Variants in SENP5 observed in about 807,000 individuals in gnomAD.
The protein encoded by SENP5 is SUMO specific peptidase 5, also known as sentrin-specific protease 5.
SENP5 carries 21 observed loss-of-function variants against 74.2 expected under a neutral mutation model. The ratio of observed to expected loss-of-function variants is 0.28; its 90% CI spans 0.20 to 0.41. SENP5 has a LOEUF of 0.41. SENP5 is among the 10% of genes least tolerant of loss of function. The pLI is 1.00. For missense variants in SENP5, 717 were observed against 889.1 expected, an observed-to-expected ratio of 0.81 and a Z score of 2.46; for synonymous variants, 311 against 312.7, an observed-to-expected ratio of 0.99 and a Z score of 0.06.
At chr3:196,883,503 G>A (rs1263628716) in intron 1 of SENP5, among the ~76,000 whole-genome samples, 1 of 152,110 alleles carries the variant, frequency 6.6e-6, no homozygotes, top group African/African-American at 2.4e-5. Context: ...ACTATCCTGG[G>A]TCATCCTCCT....
At chr3:196,868,882 G>GTTTTTTTTTTTGTTTGTT (rs1553816691) in intron 1 of SENP5, among the ~76,000 whole-genome samples, 1 of 148,924 alleles carries the variant, frequency 6.7e-6, no homozygotes, top group African/African-American at 2.5e-5. Context: ...TCCTACTTAT[G>GTTTTTTTTTTTGTTTGTT]TTTTTTTTTT....
At chr3:196,916,078 A>C (rs1173184168) in intron 6 of SENP5, among the ~76,000 whole-genome samples, 1 of 152,146 alleles carries the variant, frequency 6.6e-6, no homozygotes, top group South Asian at 2.1e-4. Flanking sequence ...TAATCTCAGC[A>C]CTTTGGGAGG....
Position 196,889,355 on chromosome 3 carries a change from C to T in SENP5, c.1513+2661C>T, listed in dbSNP as rs754996955. Among the ~76,000 whole-genome samples the T allele has an allele frequency of 1.6e-4, 25 of 152,184 alleles. No individual in the cohort carries two copies. The East Asian group carries it at 2.5e-3, about 15-fold the overall frequency. On this transcript the variant is annotated intron_variant, in intron 2 of 9. Coordinates refer to ENST00000323460, the MANE Select transcript of SENP5 (RefSeq NM_152699.5). The stretch of plus-strand genomic sequence containing the variant: ...TTTATAGATGTAACACTTTCAAGTA[C>T]GGTTGATAAATTGAATATGCACGTA...
intron 1 of SENP5, among the ~76,000 whole-genome samples, chr3:196,871,503 C>G (rs1213017227): frequency 6.6e-6 from 1 of 152,134 alleles, no homozygotes; most frequent in Non-Finnish European, 1.5e-5. Context: ...TTGAGGCAGT[C>G]TTCTGACTCT....
Position 196,913,590 on chromosome 3 carries a change from C to A in SENP5, c.1885-9824C>A, listed in dbSNP as rs186122893. Among the ~76,000 whole-genome samples the A allele has an allele frequency of 2.3e-3, 340 of 145,398 alleles. 14 individuals carry two copies. Among genetic ancestry groups the A allele is most frequent in the Admixed American group, 0.021 (298 of 14,442 alleles). Reference sequence around the variant, plus strand: ...TCTCAAAAAAAAAAAACAAAAAAAACTAGTAAGACCCTGAACTCAGTAGAA... The same window carrying A: ...TCTCAAAAAAAAAAAACAAAAAAAAATAGTAAGACCCTGAACTCAGTAGAA... On this transcript the variant is annotated intron_variant, in intron 6 of 9. Coordinates refer to ENST00000323460, the MANE Select transcript of SENP5 (RefSeq NM_152699.5).
At chr3:196,897,859 T>C (rs1714509816) in intron 2 of SENP5, among the ~76,000 whole-genome samples, 1 of 152,184 alleles carries the variant, frequency 6.6e-6, no homozygotes, top group Non-Finnish European at 1.5e-5. Context: ...CCTCAGCTTT[T>C]TTGTATTTAC....
At chr3:196,872,355 AT>A (rs1395061913) in intron 1 of SENP5, among the ~76,000 whole-genome samples, 1 of 152,190 alleles carries the variant, frequency 6.6e-6, no homozygotes, top group African/African-American at 2.4e-5. Context: ...AGAACCTTCA[AT>A]GGCAGTATCT....
chr3:196,893,423 G>T (rs6797560), intron 2 of SENP5, among the ~76,000 whole-genome samples: 33,588 of 152,018 alleles, frequency 0.22, 3,822 homozygotes, highest in African/African-American at 0.27. Context: ...CTTTTACCCA[G>T]AAATTTAACT....
rs749272008 is a variant in SENP5 at position 196,885,304 on chromosome 3, A to G, written c.123A>G (p.Lys41=). 1 of 1,614,198 alleles carries G rather than the reference A, an allele frequency of 6.2e-7. No homozygotes were observed. Among genetic ancestry groups the G allele is most frequent in the Admixed American group, 1.7e-5 (1 of 60,012 alleles). ...FYFHQHLCIL[K]AKLGRPVTWN... is the part of the protein sequence containing the mutation. ...TTCACCAACACTTGTGCATTCTGAA[A>G]GCTAAGCTGGGAAGGCCAGTTACTT... The change falls in exon 2 of 10, where the codon AAA becomes AAG. Residue 41 remains lysine (K), a synonymous_variant. Coordinates refer to ENST00000323460, the MANE Select transcript of SENP5 (RefSeq NM_152699.5).
intron 6 of SENP5, among the ~76,000 whole-genome samples, chr3:196,906,284 T>G (rs1714901234): frequency 6.6e-6 from 1 of 152,032 alleles, no homozygotes; most frequent in Non-Finnish European, 1.5e-5. Flanking sequence ...GGAAATGAGG[T>G]CAAAGACCAA....
At chr3:196,890,823 A>G (rs1345117709) in intron 2 of SENP5, among the ~76,000 whole-genome samples, 1 of 152,188 alleles carries the variant, frequency 6.6e-6, no homozygotes, top group Admixed American at 6.5e-5. Context: ...AAACACACAA[A>G]TACATACACA....
chr3:196,903,307 T>C (rs1240488031), intron 5 of SENP5, among the ~76,000 whole-genome samples: 1 of 152,124 alleles, frequency 6.6e-6, no homozygotes, highest in East Asian at 1.9e-4. Context: ...GCCCGGCTAA[T>C]TTTTGTATTT....
intron 2 of SENP5, among the ~76,000 whole-genome samples, chr3:196,898,940 G>A (rs1229451313): frequency 1.3e-5 from 2 of 151,974 alleles, no homozygotes; most frequent in Non-Finnish European, 2.9e-5. Context: ...TTAGCCGGGC[G>A]TGGTGGCAGG....
chr3:196,889,117 A>G (rs1221640800), intron 2 of SENP5, among the ~76,000 whole-genome samples: 1 of 151,888 alleles, frequency 6.6e-6, no homozygotes, highest in Non-Finnish European at 1.5e-5. Flanking sequence ...CTCTGTCTCA[A>G]AAAAAATAAA....
intron 6 of SENP5, among the ~76,000 whole-genome samples, chr3:196,916,283 T>A (rs574893121): frequency 6.6e-6 from 1 of 151,998 alleles, no homozygotes; most frequent in African/African-American, 2.4e-5. Context: ...GCCGAGATCA[T>A]GCCATTGCAC....
intron 2 of SENP5, among the ~76,000 whole-genome samples, chr3:196,889,250 G>A (rs569507975): frequency 1.3e-5 from 2 of 150,732 alleles, no homozygotes; most frequent in South Asian, 4.2e-4. Context: ...AGTAAAGCCA[G>A]ATTTCCCTAC....
Position 196,873,260 on chromosome 3 carries a change from A to T in SENP5, c.-32+5187A>T, listed in dbSNP as rs139008218. On this transcript the variant is annotated intron_variant, in intron 1 of 9. Transcript: ENST00000323460. ...GGCTAATGTTTGTATTTTAGTAGAG[A>T]CGGGGTTTCTCCATGTTGGTCAGGC... Among the ~76,000 whole-genome samples, 7 of 150,868 alleles carry T rather than the reference A, an allele frequency of 4.6e-5. No individual in the cohort carries two copies. The East Asian group carries it at 1.4e-3, about 30-fold the overall frequency.
intron 1 of SENP5, among the ~76,000 whole-genome samples, chr3:196,873,024 T>A (rs926455650): frequency 2.0e-5 from 3 of 151,840 alleles, no homozygotes; most frequent in Non-Finnish European, 4.4e-5. Context: ...TGTTTTGAGG[T>A]ATTGTTCTTT....
At chr3:196,888,613 C>T (rs1013917431) in intron 2 of SENP5, among the ~76,000 whole-genome samples, 1 of 150,406 alleles carries the variant, frequency 6.6e-6, no homozygotes, top group Admixed American at 6.6e-5. Flanking sequence ...AAAGTGAAAA[C>T]AGTAAGTTGC....
Sources: gnomAD v4.1 joint callset for allele counts (sites outside exome capture counted in the v4.1 genomes callset) on GRCh38, gnomAD v4.1.1 for gene constraint, MANE v1.5 for transcripts, NCBI Gene and HGNC (gene_info 2026-07-23, HGNC 2026-07-21) for gene names.